ACADVL: variants seen among roughly 807,000 people sequenced by gnomAD.
ACADVL encodes acyl-CoA dehydrogenase very long chain.
ACADVL carries 73 observed loss-of-function variants against 80.4 expected under a neutral mutation model. The observed-to-expected ratio is 0.91, with a 90% confidence interval of 0.75 to 1.10. The LOEUF is 1.10. ACADVL is among the 50% of genes least tolerant of loss of function. The probability of loss-of-function intolerance (pLI) is 0.00; values close to 1 mark genes in which losing one functional copy is unlikely to be tolerated. For synonymous variants in ACADVL, 392 were observed against 326.5 expected (o/e 1.20, Z -2.16); for missense variants, 878 against 858.9 (o/e 1.02, Z -0.28).
upstream of ACADVL, chr17:7,219,009 T>G (rs1188814045): frequency 4.1e-6 from 3 of 738,412 alleles, no homozygotes. Flanking sequence ...ACCATCTTGC[T>G]CCACACACCC....
intron 9 of ACADVL, 170 bp downstream of exon 9, chr17:7,222,472 C>A: frequency 8.5e-7 from 1 of 1,183,104 alleles, no homozygotes; most frequent in Non-Finnish European, 1.2e-6. Context: ...TTGGCTCCAG[C>A]AACCAAGTCC....
At chr17:7,224,605 T>A in intron 17 of ACADVL, 37 bp from the exon 18 acceptor site, 2 of 1,572,990 alleles carry the variant, frequency 1.3e-6, no homozygotes, top group Non-Finnish European at 1.7e-6. Flanking sequence ...TTGAGACTAA[T>A]GCCCCCACCC....
intron 5 of ACADVL, 28 bp downstream of exon 5, chr17:7,220,858 T>C (rs1567561675): frequency 6.2e-7 from 1 of 1,614,058 alleles, no homozygotes. Context: ...GCTTGGTCCC[T>C]GGTGAGGTGT....
upstream of ACADVL, chr17:7,219,918 A>ACGCGGG (rs1567559214): frequency 1.0e-5 from 16 of 1,567,556 alleles, no homozygotes; most frequent in Non-Finnish European, 1.4e-5. Flanking sequence ...GGGCGCCAGG[A>ACGCGGG]CGTGGGCGTG....
chr17:7,220,090 C>A, intron 1 of ACADVL, 32 bp from the exon 2 acceptor site: 1 of 1,593,216 alleles, frequency 6.3e-7, no homozygotes, highest in Admixed American at 1.7e-5. Context: ...GCCCTGGGCA[C>A]CGGGCCGGCA....
intron 2 of ACADVL, 26 bp downstream of exon 2, chr17:7,220,223 G>A (rs1597516821): frequency 5.2e-6 from 8 of 1,525,536 alleles, no homozygotes; most frequent in East Asian, 2.5e-5. Flanking sequence ...CTTGGCAAGG[G>A]GGTGTGGGAG....
At chr17:7,223,598 A>C in intron 11 of ACADVL, 46 bp from the exon 12 acceptor site, 1 of 1,604,786 alleles carries the variant, frequency 6.2e-7, no homozygotes, top group East Asian at 2.2e-5. Flanking sequence ...AGTCTGACAA[A>C]GCCCTTTGCA....
chr17:7,218,963 T>G, upstream of ACADVL: 10 of 1,135,720 alleles, frequency 8.8e-6, no homozygotes, highest in Middle Eastern at 2.0e-4. Flanking sequence ...CGACCAGCTG[T>G]CCCATTCCCC....
chr17:7,222,168 C>A lies in ACADVL; in HGVS notation c.753-9C>A, dbSNP rs1262931604. The stretch of plus-strand genomic sequence containing the variant: ...TCCTCCACGCCCTGAATATCCCATT[C>A]TTCCACAGTAATGGGGGCCTAGCAG... On this transcript the variant is annotated splice_polypyrimidine_tract_variant and intron_variant, in intron 8 of 19. Coordinates refer to ENST00000356839, the MANE Select transcript of ACADVL (RefSeq NM_000018.4). 2 of 1,614,180 alleles carry A rather than the reference C, an allele frequency of 1.2e-6. No homozygotes were observed. The highest frequency in any genetic ancestry group is 1.7e-5 in the Admixed American group (1 of 60,032).
upstream of ACADVL, chr17:7,219,779 G>A (rs1424717039): frequency 7.6e-5 from 113 of 1,494,128 alleles, no homozygotes; most frequent in Middle Eastern, 1.9e-3. Flanking sequence ...GGGAGACGAG[G>A]GACGCTTGGA....
upstream of ACADVL, chr17:7,217,582 C>T (rs950742690): frequency 3.7e-6 from 5 of 1,336,208 alleles, no homozygotes; most frequent in African/African-American, 1.7e-5. Flanking sequence ...GAAACGGCAG[C>T]GGCCGAGGGA....
Position 7,223,891 on chromosome 17 carries a change from C to T in ACADVL, c.1332+16C>T. On this transcript the variant is annotated intron_variant, in intron 13 of 19. Coordinates refer to ENST00000356839, the MANE Select transcript of ACADVL (RefSeq NM_000018.4). ...CTTCATGAAGGTACAGGACGGTCTT[C>T]TGCAGAGCCTCGGCTGGGCCAGGGG... The T allele has an allele frequency of 6.2e-7, 1 of 1,614,016 alleles. No homozygotes were observed. Among genetic ancestry groups the T allele is most frequent in the Non-Finnish European group, 8.5e-7 (1 of 1,180,036 alleles).
chr17:7,219,236 C>T (rs2071073888), upstream of ACADVL: 1 of 356,472 alleles, frequency 2.8e-6, no homozygotes. Flanking sequence ...TGGGGTTTTA[C>T]GGGTAAGAGG....
At chr17:7,222,435 T>G in intron 9 of ACADVL, 133 bp downstream of exon 9, 1 of 1,370,610 alleles carries the variant, frequency 7.3e-7, no homozygotes, top group Non-Finnish European at 9.9e-7. Context: ...CCTTTGGGAC[T>G]AATATGTATG....
upstream of ACADVL, chr17:7,217,673 G>T (rs1185591721): frequency 7.8e-5 from 106 of 1,355,502 alleles, 1 homozygote; most frequent in Non-Finnish European, 9.4e-5. Flanking sequence ...GAGCCAGAAT[G>T]GGGGGGGTGC....
In ACADVL at chr17:7,223,743, G is replaced by A. The variant is rs1261547666; in HGVS notation, c.1269+13G>A. On this transcript the variant is annotated intron_variant, in intron 12 of 19. Transcript: ENST00000356839. ...AATCTTTGGCTCGGTGAGGTCCCAG[G>A]CATGCTGGGAGGGAGTCCAGTTTGG... 1 of 1,613,942 alleles carries A rather than the reference G, an allele frequency of 6.2e-7. No individual in the cohort carries two copies. Among genetic ancestry groups the A allele is most frequent in the African/African-American group, 1.3e-5 (1 of 74,904 alleles).
In ACADVL at chr17:7,223,743, G is replaced by C. The variant is rs1261547666; in HGVS notation, c.1269+13G>C. 5.0e-6 allele frequency: 8 copies of C among 1,614,060 alleles called. No individual in the cohort carries two copies. Among genetic ancestry groups the C allele is most frequent in the African/African-American group, 2.7e-5 (2 of 75,026 alleles). ...AATCTTTGGCTCGGTGAGGTCCCAG[G>C]CATGCTGGGAGGGAGTCCAGTTTGG... On this transcript the variant is annotated intron_variant, in intron 12 of 19. Coordinates refer to ENST00000356839, the MANE Select transcript of ACADVL (RefSeq NM_000018.4).
rs727503788 is a variant in ACADVL at position 7,220,124 on chromosome 17, C to G, written c.65C>G (p.Ser22Trp). Residue 22 changes from serine to tryptophan, a missense_variant and splice_region_variant, in exon 2 of 20, where the codon TCG becomes TGG. Coordinates refer to ENST00000356839, the MANE Select transcript of ACADVL (RefSeq NM_000018.4). ...CACTGAACCCCCACTCCCCACAGCT[C>G]GCGGCTCACGGCGCTCCTGGGGCAG... is the stretch of plus-strand genomic sequence containing the variant. ...RQLLRLGGGS[S>W]RLTALLGQPR... 1.1e-5 allele frequency: 17 copies of G among 1,569,320 alleles called. No individual in the cohort carries two copies. Among genetic ancestry groups the G allele is most frequent in the African/African-American group, 1.3e-5 (1 of 74,630 alleles).
intron 12 of ACADVL, 33 bp downstream of exon 12, chr17:7,223,763 G>A: frequency 1.2e-6 from 2 of 1,614,106 alleles, no homozygotes. Context: ...AGGGAGTCCA[G>A]TTTGGGTGCT....
Sources: gnomAD v4.1 joint callset for allele counts on GRCh38, gnomAD v4.1.1 for gene constraint, MANE v1.5 for transcripts, NCBI Gene and HGNC (gene_info 2026-07-23, HGNC 2026-07-21) for gene names.